Variants in MTMR3 observed in about 807,000 individuals in gnomAD.
MTMR3 encodes myotubularin related protein 3.
In MTMR3, 32 loss-of-function variants were observed where a neutral mutation model predicts 132.4. The observed-to-expected ratio is 0.24, with a 90% CI of 0.18 to 0.32. The LOEUF (loss-of-function observed/expected upper bound fraction) is 0.32, where lower values mean the gene tolerates loss of function less well. MTMR3 is among the 10% of genes least tolerant of loss of function. The pLI, the probability that MTMR3 is intolerant of heterozygous loss-of-function variation, is 1.00. For synonymous variants in MTMR3, 556 were observed against 550.3 expected (o/e 1.01, Z -0.14); for missense variants, 1,216 against 1,489.6 (o/e 0.82, Z 3.02).
At chr22:29,899,315 A>G (rs1213420337) in intron 1 of MTMR3, among the ~76,000 whole-genome samples, 1 of 152,218 alleles carries the variant, frequency 6.6e-6, no homozygotes, top group Non-Finnish European at 1.5e-5. Flanking sequence ...GGCCTCCCAG[A>G]GTGCTGGGAT....
chr22:30,003,021 T>G, intron 9 of MTMR3, 28 bp downstream of exon 9: 2 of 1,542,836 alleles, frequency 1.3e-6, no homozygotes, highest in Non-Finnish European at 1.8e-6. Flanking sequence ...AGTCCCAGCT[T>G]GGGCTGGTGC....
chr22:29,924,872 T>C (rs2065484619), intron 1 of MTMR3, among the ~76,000 whole-genome samples: 1 of 152,210 alleles, frequency 6.6e-6, no homozygotes, highest in Non-Finnish European at 1.5e-5. Context: ...TTAGTGTATA[T>C]GTATATTTTT....
At chr22:29,978,899 T>TTA (rs2066683926) in intron 4 of MTMR3, 37 bp from the exon 5 acceptor site, 3 of 1,412,452 alleles carry the variant, frequency 2.1e-6, no homozygotes, top group Non-Finnish European at 3.0e-6. Flanking sequence ...TTTTTTTAAC[T>TTA]GCTTCAGAAC....
intron 1 of MTMR3, among the ~76,000 whole-genome samples, chr22:29,950,595 C>T (rs551253673): frequency 2.0e-4 from 30 of 152,228 alleles, no homozygotes; most frequent in South Asian, 1.0e-3. Flanking sequence ...AACTCCTCAC[C>T]GCGTGATCTG....
intron 1 of MTMR3, among the ~76,000 whole-genome samples, chr22:29,951,940 C>T (rs994407760): frequency 3.7e-5 from 5 of 135,330 alleles, no homozygotes; most frequent in Non-Finnish European, 7.7e-5. Context: ...AGTGGAGTGT[C>T]GTGTAGTGGC....
At chr22:30,010,941 G>T (rs1255131162) in intron 12 of MTMR3, 1 of 152,204 alleles carries the variant, frequency 6.6e-6, no homozygotes, top group Non-Finnish European at 1.5e-5. Flanking sequence ...GCTAGGCACT[G>T]TGCTGGGGGT....
intron 16 of MTMR3, chr22:30,019,258 G>T: frequency 3.7e-6 from 2 of 541,458 alleles, no homozygotes; most frequent in Non-Finnish European, 3.3e-6. Context: ...TATGTATGGG[G>T]CATGGGGTTG....
At chr22:29,940,646 T>C (rs895181365) in intron 1 of MTMR3, among the ~76,000 whole-genome samples, 1 of 150,144 alleles carries the variant, frequency 6.7e-6, no homozygotes, top group Non-Finnish European at 1.5e-5. Flanking sequence ...GCCCCACCTT[T>C]TTAAAAAAAT....
chr22:29,896,896 C>T lies in MTMR3; in HGVS notation c.-138+13537C>T, dbSNP rs1176053810. On this transcript the variant is annotated intron_variant, in intron 1 of 19. Transcript: ENST00000401950. Reference sequence around the variant, plus strand: ...ACACACACACACACACACACACACACACACACATACACACACACAAATCCC... The same window carrying T: ...ACACACACACACACACACACACACATACACACATACACACACACAAATCCC... Among the ~76,000 whole-genome samples, 636 of 151,128 alleles carry T rather than the reference C, an allele frequency of 4.2e-3. 7 individuals are homozygous for T. The highest frequency in any genetic ancestry group is 0.015 in the African/African-American group (600 of 41,234).
rs1181016253 is a variant in MTMR3, at chr22:30,022,130, G to C, written c.3327G>C (p.Gln1109His). The C allele has an allele frequency of 2.5e-6, 4 of 1,612,368 alleles. No homozygotes were observed. The East Asian group carries it at 6.7e-5, about 27-fold the overall frequency. Residue 1109 changes from glutamine to histidine, a missense_variant, in exon 18 of 20, where the codon CAG becomes CAC. Coordinates refer to ENST00000401950, the MANE Select transcript of MTMR3 (RefSeq NM_021090.4). ...SEASWEQVDK[Q>H]DTEMTRWLPD... is the part of the protein sequence containing the mutation. The stretch of plus-strand genomic sequence containing the variant: ...CCAGCTGGGAGCAGGTGGATAAACA[G>C]GACACAGAGGTACAGGCTCAGCCCC...
At chr22:29,956,276 T>G (rs2066187597) in intron 1 of MTMR3, among the ~76,000 whole-genome samples, 1 of 152,132 alleles carries the variant, frequency 6.6e-6, no homozygotes, top group Non-Finnish European at 1.5e-5. Context: ...AGACAGAGTC[T>G]CACTTTATTG....
Position 30,029,452 on chromosome 22 carries a change from G to A in MTMR3, c.*3651G>A, listed in dbSNP as rs1311049965. 2.6e-5 allele frequency: 4 copies of A among 152,062 alleles called. No homozygotes were observed. Among genetic ancestry groups the A allele is most frequent in the African/African-American group, 7.3e-5 (3 of 41,332 alleles). 9.4% of individuals were successfully genotyped at this position (152,062 alleles called of 1,614,324 possible). ...TTCTATGAATTAGAATGTTACTGTG[G>A]TAGATCTAAAGGAGAATGAACAGAA... On this transcript the variant is annotated 3_prime_UTR_variant, in exon 20 of 20. Transcript: ENST00000401950.
rs1569054245 is a variant in MTMR3, at chr22:30,020,009, A to AGGG, written c.2352_2354dup (p.Gly785dup). On this transcript the variant is annotated inframe_insertion, in exon 17 of 20. Coordinates refer to ENST00000401950, the MANE Select transcript of MTMR3 (RefSeq NM_021090.4). ...CCTCAGTTCTCTCCAGGTCCCCCCC[A>AGGG]GGGGAGAGGATTCCCTGGAGGTCCC... The AGGG allele has an allele frequency of 7.4e-6, 12 of 1,614,164 alleles. No homozygotes were observed. Among genetic ancestry groups the AGGG allele is most frequent in the African/African-American group, 1.3e-5 (1 of 75,024 alleles).
rs774402274 is a variant in MTMR3, at chr22:29,952,408, G to GT, written c.-137-4627dup. 4.6e-3 allele frequency among the ~76,000 whole-genome samples: 555 copies of GT among 119,802 alleles called. 4 individuals are homozygous for GT. Among genetic ancestry groups the GT allele is most frequent in the African/African-American group, 0.016 (372 of 22,670 alleles). 78.6% of individuals were successfully genotyped at this position (119,802 alleles called of 152,430 possible). A position where few individuals can be genotyped will look rare whatever the true frequency, so the allele number is the denominator to read the frequency against. ...GACACATAGCTTCTGGTGTGTGTGT[G>GT]TGTTTTTTTTTTTAAAATCATGTTA... On this transcript the variant is annotated intron_variant, in intron 1 of 19. Coordinates refer to ENST00000401950, the MANE Select transcript of MTMR3 (RefSeq NM_021090.4).
intron 2 of MTMR3, among the ~76,000 whole-genome samples, chr22:29,958,547 A>G (rs1353235436): frequency 2.6e-5 from 4 of 152,076 alleles, no homozygotes; most frequent in African/African-American, 7.2e-5. Context: ...CTCTGCCGCC[A>G]TGCCATTCCT....
chr22:29,936,687 C>G (rs2065756354), intron 1 of MTMR3, among the ~76,000 whole-genome samples: 1 of 152,152 alleles, frequency 6.6e-6, no homozygotes, highest in Admixed American at 6.5e-5. Flanking sequence ...ATGCCAGTGT[C>G]TTTAATGATA....
intron 2 of MTMR3, among the ~76,000 whole-genome samples, chr22:29,965,526 A>C (rs2066397888): frequency 6.6e-6 from 1 of 152,152 alleles, no homozygotes; most frequent in Non-Finnish European, 1.5e-5. Flanking sequence ...CTCTACTAAA[A>C]ATACAAAAAT....
intron 1 of MTMR3, among the ~76,000 whole-genome samples, chr22:29,907,413 T>TA (rs945182879): frequency 2.1e-4 from 30 of 145,426 alleles, no homozygotes; most frequent in African/African-American, 8.5e-4. Flanking sequence ...AAAAAAAAAT[T>TA]ACAAACTTTT....
chr22:29,943,534 A>C (rs2145816373), intron 1 of MTMR3, among the ~76,000 whole-genome samples: 1 of 152,158 alleles, frequency 6.6e-6, no homozygotes, highest in Admixed American at 6.5e-5. Flanking sequence ...CTCTTTTAGT[A>C]TATAAGTTTA....
Sources: gnomAD v4.1 joint callset for allele counts (sites outside exome capture counted in the v4.1 genomes callset) on GRCh38, gnomAD v4.1.1 for gene constraint, MANE v1.5 for transcripts, NCBI Gene and HGNC (gene_info 2026-07-23, HGNC 2026-07-21) for gene names.